SCOC: variants seen among roughly 807,000 people sequenced by gnomAD.
The protein encoded by SCOC is short coiled coil protein.
SCOC carries 7 observed loss-of-function variants against 9.9 expected under a neutral mutation model. That is an observed-to-expected ratio of 0.71 (90% CI 0.40 to 1.33). The LOEUF (loss-of-function observed/expected upper bound fraction) is 1.33. Ranked by LOEUF, SCOC falls within the 40% of genes most tolerant of loss-of-function variation. The pLI is 0.01. For missense variants in SCOC, 66 were observed against 89.7 expected (o/e 0.74, Z 1.07); for synonymous variants, 19 against 28.2 (o/e 0.67, Z 1.03).
intron 1 of SCOC, among the ~76,000 whole-genome samples, chr4:140,319,349 T>C (rs535771789): frequency 2.0e-5 from 3 of 152,158 alleles, no homozygotes; most frequent in African/African-American, 7.2e-5. Flanking sequence ...CCTTGGCCTC[T>C]CAAAGTGCTG....
At chr4:140,262,023 A>G (rs147203333) in intron 1 of SCOC, among the ~76,000 whole-genome samples, 91 of 152,340 alleles carry the variant, frequency 6.0e-4, no homozygotes, top group Non-Finnish European at 1.1e-3. Context: ...CCTCAATTTA[A>G]TCACTGAGAA....
chr4:140,337,121 A>C (rs1292350287), intron 1 of SCOC, among the ~76,000 whole-genome samples: 3 of 152,224 alleles, frequency 2.0e-5, no homozygotes. Flanking sequence ...AGAGTTGTTT[A>C]TATATGCTGA....
intron 1 of SCOC, among the ~76,000 whole-genome samples, chr4:140,295,202 A>G (rs1287668535): frequency 6.6e-6 from 1 of 152,228 alleles, no homozygotes; most frequent in Non-Finnish European, 1.5e-5. Context: ...TTATGATATA[A>G]TGATGGGGAT....
chr4:140,358,182 T>A lies in SCOC; in HGVS notation c.70+14474T>A, dbSNP rs567680459. On this transcript the variant is annotated intron_variant, in intron 2 of 4. Transcript: ENST00000338517. Reference sequence around the variant, plus strand: ...GCAACACCTGAGTTGAATACTTTTTTAAAAAGTTTTACCTTTATTATTTTA... The same window carrying A: ...GCAACACCTGAGTTGAATACTTTTTAAAAAAGTTTTACCTTTATTATTTTA... 7.7e-4 allele frequency among the ~76,000 whole-genome samples: 117 copies of A among 152,314 alleles called. 1 individual carries two copies. The highest frequency in any genetic ancestry group is 2.1e-3 in the Admixed American group (32 of 15,302).
chr4:140,364,110 C>T (rs761716052), intron 2 of SCOC, among the ~76,000 whole-genome samples: 1 of 151,924 alleles, frequency 6.6e-6, no homozygotes, highest in Non-Finnish European at 1.5e-5. Context: ...GAAAAACTTA[C>T]ACTTTTTGCA....
intron 1 of SCOC, among the ~76,000 whole-genome samples, chr4:140,304,925 C>T (rs528890431): frequency 2.6e-5 from 4 of 152,272 alleles, no homozygotes; most frequent in East Asian, 1.9e-4. Flanking sequence ...GATGTAGACA[C>T]GTGTTCTAGC....
At chr4:140,268,611 G>C (rs1184157049) in intron 1 of SCOC, among the ~76,000 whole-genome samples, 1 of 152,128 alleles carries the variant, frequency 6.6e-6, no homozygotes, top group African/African-American at 2.4e-5. Flanking sequence ...CTGCTGCTGA[G>C]GTCATCATTT....
At chr4:140,358,612 C>G (rs1246609741) in intron 2 of SCOC, among the ~76,000 whole-genome samples, 2 of 152,204 alleles carry the variant, frequency 1.3e-5, no homozygotes, top group African/African-American at 4.8e-5. Flanking sequence ...TCATTGTATG[C>G]ATTGAATTAA....
chr4:140,270,056 A>G (rs937526379), intron 1 of SCOC, among the ~76,000 whole-genome samples: 3 of 152,130 alleles, frequency 2.0e-5, no homozygotes, highest in African/African-American at 7.2e-5. Flanking sequence ...CAGACTAGTC[A>G]CAAACGTATC....
intron 1 of SCOC, among the ~76,000 whole-genome samples, chr4:140,306,960 C>A (rs907298003): frequency 1.3e-5 from 2 of 152,114 alleles, no homozygotes; most frequent in African/African-American, 2.4e-5. Flanking sequence ...TCTGTGTCCT[C>A]CCAAATACAT....
In SCOC at chr4:140,285,723, C is replaced by G. The variant is rs1424485806; in HGVS notation, c.-19+28313C>G. Among the ~76,000 whole-genome samples the G allele has an allele frequency of 2.0e-5, 3 of 152,160 alleles. No individual in the cohort carries two copies. In the South Asian group the frequency reaches 6.2e-4, roughly 32 times the overall value. On this transcript the variant is annotated intron_variant, in intron 1 of 4. Transcript: ENST00000394205. ...AAATCTCTTCCCCTTTTCAATGAAC[C>G]AAGACATTGCTAAGCAGTTAGTATA... is the stretch of plus-strand genomic sequence containing the variant.
At position 140,360,929 on chromosome 4, in the gene SCOC, C is replaced by T. The variant is rs549975748; in HGVS notation, c.70+17221C>T. On this transcript the variant is annotated intron_variant, in intron 2 of 4. Transcript: ENST00000338517. ...CTCTTCCTTTTTGAACTTTAGATAT[C>T]CATCCAGCACCTTCTGCGACATTTT... 8 of 151,654 alleles carry T rather than the reference C, an allele frequency of 5.3e-5. No individual in the cohort carries two copies. The South Asian group carries it at 1.7e-3, about 31-fold the overall frequency. 9.4% of individuals were successfully genotyped at this position (151,654 alleles called of 1,614,324 possible). A position where few individuals can be genotyped will look rare whatever the true frequency, so the allele number is the denominator to read the frequency against.
At chr4:140,362,932 T>C (rs961127732) in intron 2 of SCOC, 9 of 152,166 alleles carry the variant, frequency 5.9e-5, no homozygotes, top group Non-Finnish European at 1.2e-4. Flanking sequence ...CATTGCATAT[T>C]CTTGCTGGTA....
intron 1 of SCOC, among the ~76,000 whole-genome samples, chr4:140,300,207 A>C (rs1731772648): frequency 6.6e-6 from 1 of 152,208 alleles, no homozygotes. Context: ...CCAGTGATTA[A>C]AGCTTTGCTA....
chr4:140,363,314 T>G (rs142317203), intron 2 of SCOC, among the ~76,000 whole-genome samples: 47 of 152,306 alleles, frequency 3.1e-4, no homozygotes, highest in African/African-American at 1.1e-3. Flanking sequence ...TTGAACACCA[T>G]GGGTTTGAAC....
At chr4:140,273,645 GA>G (rs11292502) in intron 1 of SCOC, among the ~76,000 whole-genome samples, 32,288 of 144,576 alleles carry the variant, frequency 0.22, 6,436 homozygotes, top group African/African-American at 0.52. Flanking sequence ...TTGCTCTGGT[GA>G]AAAAAAAAAA....
intron 1 of SCOC, among the ~76,000 whole-genome samples, chr4:140,295,773 C>CA (rs969985321): frequency 4.0e-5 from 6 of 151,196 alleles, no homozygotes; most frequent in East Asian, 3.9e-4. Context: ...ACTAAAAATA[C>CA]AAAAAAAATT....
chr4:140,265,099 ATTTCT>A (rs1181606710), intron 1 of SCOC, among the ~76,000 whole-genome samples: 1 of 152,100 alleles, frequency 6.6e-6, no homozygotes, highest in African/African-American at 2.4e-5. Flanking sequence ...CATTGTGTTG[ATTTCT>A]TCTTGAAATG....
chr4:140,363,174 G>T (rs1413683557), intron 2 of SCOC, among the ~76,000 whole-genome samples: 1 of 152,148 alleles, frequency 6.6e-6, no homozygotes, highest in Admixed American at 6.5e-5. Context: ...ATAGGTAACA[G>T]CAACAAATCA....
Sources: allele counts gnomAD v4.1 joint callset (sites outside exome capture counted in the v4.1 genomes callset), GRCh38; gene constraint gnomAD v4.1.1; transcripts MANE v1.5; gene names NCBI Gene and HGNC (gene_info 2026-07-23, HGNC 2026-07-21).